The following XXYLT1 variants were observed in gnomAD, a reference collection of about 807,000 sequenced individuals.
XXYLT1 encodes UDP-xylose:alpha-xyloside alpha-1,3-xylosyltransferase.
XXYLT1 carries 20 observed loss-of-function variants against 28.9 expected under a neutral mutation model. The observed-to-expected ratio is 0.69, with a 90% CI of 0.49 to 1.00. The LOEUF (loss-of-function observed/expected upper bound fraction) is 1.00, where lower values mean the gene tolerates loss of function less well. Among genes scored for constraint, XXYLT1 ranks in the 50% least tolerant of loss-of-function variants. XXYLT1 has a pLI of 0.00. For synonymous variants in XXYLT1, 257 were observed against 253.8 expected, an observed-to-expected ratio of 1.01 and a Z score of -0.12; for missense variants, 542 against 560.1, an observed-to-expected ratio of 0.97 and a Z score of 0.33.
chr3:195,094,125 C>T (rs1716280776), intron 3 of XXYLT1: 1 of 152,626 alleles, frequency 6.6e-6, no homozygotes, highest in African/African-American at 2.4e-5. Context: ...ACTGGCCTCT[C>T]CTGTTCCTAG....
At chr3:195,239,822 T>C (rs1269893954) in intron 1 of XXYLT1, among the ~76,000 whole-genome samples, 1 of 152,186 alleles carries the variant, frequency 6.6e-6, no homozygotes, top group Non-Finnish European at 1.5e-5. Flanking sequence ...TTATGTAGAA[T>C]GTTGGCATCA....
intron 3 of XXYLT1, among the ~76,000 whole-genome samples, chr3:195,089,417 A>G (rs1368652031): frequency 6.6e-6 from 1 of 152,140 alleles, no homozygotes; most frequent in Non-Finnish European, 1.5e-5. Context: ...TTTCATATCC[A>G]GCCAAACTAA....
At position 195,256,390 on chromosome 3, in the gene XXYLT1, T is replaced by C; in HGVS notation, c.504+14165A>G. 1 of 700,284 alleles carries C rather than the reference T, an allele frequency of 1.4e-6. No individual in the cohort carries two copies. Among genetic ancestry groups the C allele is most frequent in the Non-Finnish European group, 1.8e-6 (1 of 569,898 alleles). The allele number at this position is 700,284 out of a possible 1,614,324, so 43.4% of individuals were successfully genotyped here. A position where few individuals can be genotyped will look rare whatever the true frequency, so the allele number is the denominator to read the frequency against. ...CTGAGACAGCTCTGGTCATTCCAAGTCCCTCGCCCTCATGCTCCGCGCAGG... is the reference window on the plus strand; with the variant it reads ...CTGAGACAGCTCTGGTCATTCCAAGCCCCTCGCCCTCATGCTCCGCGCAGG... On this transcript the variant is annotated intron_variant, in intron 1 of 3. Transcript: ENST00000310380. This position sits in a 1 kb window ranked among gnomAD's most constrained non-coding sequence, Gnocchi z 4.2.
intron 1 of XXYLT1, among the ~76,000 whole-genome samples, chr3:195,263,318 G>A (rs749592527): frequency 3.9e-5 from 6 of 152,200 alleles, no homozygotes; most frequent in Non-Finnish European, 5.9e-5. Flanking sequence ...AAGTGGATGC[G>A]AAGGTTTAAA....
intron 3 of XXYLT1, among the ~76,000 whole-genome samples, chr3:195,128,038 C>G (rs765752362): frequency 2.4e-4 from 37 of 152,116 alleles, no homozygotes; most frequent in Non-Finnish European, 4.4e-4. Flanking sequence ...AGTGAAAGAG[C>G]CTGGCATGCC....
At position 195,076,298 on chromosome 3, in the gene XXYLT1, C is replaced by G. The variant is rs562966489; in HGVS notation, c.786-6187G>C. On this transcript the variant is annotated intron_variant, in intron 3 of 3. Coordinates refer to ENST00000310380, the MANE Select transcript of XXYLT1 (RefSeq NM_152531.5). The surrounding 1 kb of genome is among the most constrained non-coding windows in gnomAD (Gnocchi z 5.3). The stretch of plus-strand genomic sequence containing the variant: ...AGTGTTACCACCCACCCCACACCCA[C>G]CCGTTCCAGAGAGGAAGAAGCCCGC... Among the ~76,000 whole-genome samples, 1 of 109,894 alleles carries G rather than the reference C, an allele frequency of 9.1e-6. No individual in the cohort carries two copies. The highest frequency in any genetic ancestry group is 1.6e-5 in the Non-Finnish European group (1 of 60,610). 72.1% of individuals were successfully genotyped at this position (109,894 alleles called of 152,430 possible).
chr3:195,128,000 G>A (rs1470861625), intron 3 of XXYLT1, among the ~76,000 whole-genome samples: 1 of 152,174 alleles, frequency 6.6e-6, no homozygotes, highest in Admixed American at 6.5e-5. Context: ...TCCTCATACA[G>A]ATAGTTGGGA....
intron 2 of XXYLT1, among the ~76,000 whole-genome samples, chr3:195,166,173 T>C (rs1383008028): frequency 1.3e-5 from 2 of 152,020 alleles, no homozygotes; most frequent in African/African-American, 4.8e-5. Context: ...CCTTAGTCAC[T>C]TCCCACAGCA....
intron 3 of XXYLT1, among the ~76,000 whole-genome samples, chr3:195,111,259 A>G (rs1421031601): frequency 6.6e-6 from 1 of 152,160 alleles, no homozygotes; most frequent in Non-Finnish European, 1.5e-5. Flanking sequence ...TTTTATAAGA[A>G]CACCAGTCAT....
At position 195,180,075 on chromosome 3, in the gene XXYLT1, T is replaced by C. The variant is rs1240946149; in HGVS notation, c.653-23494A>G. Reference sequence around the variant, plus strand: ...GCGCCTGGTGAGGGACAGAAGAATCTCTGAGCGGCCCCAAGCAGTGGGGTT... The same window carrying C: ...GCGCCTGGTGAGGGACAGAAGAATCCCTGAGCGGCCCCAAGCAGTGGGGTT... On this transcript the variant is annotated intron_variant, in intron 2 of 3. Coordinates refer to ENST00000310380, the MANE Select transcript of XXYLT1 (RefSeq NM_152531.5). This position sits in a 1 kb window ranked among gnomAD's most constrained non-coding sequence, Gnocchi z 5.8. Among the ~76,000 whole-genome samples the C allele has an allele frequency of 2.0e-5, 3 of 152,028 alleles. No homozygotes were observed. The highest frequency in any genetic ancestry group is 4.4e-5 in the Non-Finnish European group (3 of 68,008).
At chr3:195,269,878 G>T (rs557139206) in intron 1 of XXYLT1, among the ~76,000 whole-genome samples, 2 of 152,324 alleles carry the variant, frequency 1.3e-5, no homozygotes, top group South Asian at 4.1e-4. Context: ...GATGGAAGCT[G>T]TCATGGAGGC....
At chr3:195,136,320 C>A (rs1406706168) in intron 3 of XXYLT1, among the ~76,000 whole-genome samples, 3 of 152,118 alleles carry the variant, frequency 2.0e-5, no homozygotes, top group African/African-American at 7.2e-5. Context: ...ATACTGCAAC[C>A]CACCCCGGCC....
intron 1 of XXYLT1, among the ~76,000 whole-genome samples, chr3:195,254,322 G>A (rs1231349081): frequency 6.6e-6 from 1 of 152,210 alleles, no homozygotes; most frequent in African/African-American, 2.4e-5. Context: ...ACGCAGGCTC[G>A]AAGCCTGACG....
rs148057032 is a variant in XXYLT1, at chr3:195,168,849, G to A, written c.653-12268C>T. 0.017 allele frequency among the ~76,000 whole-genome samples: 2,558 copies of A among 152,334 alleles called. 34 individuals carry two copies. Among genetic ancestry groups the A allele is most frequent in the Non-Finnish European group, 0.026 (1,743 of 68,030 alleles). Reference sequence around the variant, plus strand: ...GGGTCACACGGCCAGTGAGTGACCAGCAGAAATGCAAGTTAGTCCCCATCC... The same window carrying A: ...GGGTCACACGGCCAGTGAGTGACCAACAGAAATGCAAGTTAGTCCCCATCC... On this transcript the variant is annotated intron_variant, in intron 2 of 3. Transcript: ENST00000310380. The surrounding 1 kb of genome is among the most constrained non-coding windows in gnomAD (Gnocchi z 4.3).
chr3:195,243,205 T>G (rs1334396613), intron 1 of XXYLT1, among the ~76,000 whole-genome samples: 2 of 151,368 alleles, frequency 1.3e-5, no homozygotes, highest in Non-Finnish European at 2.9e-5. Flanking sequence ...CACCAGGGCC[T>G]GTCGTGGGGT....
intron 3 of XXYLT1, among the ~76,000 whole-genome samples, chr3:195,093,469 G>A (rs1359566326): frequency 6.0e-5 from 8 of 133,732 alleles, no homozygotes; most frequent in Middle Eastern, 3.3e-3. Flanking sequence ...TCATAGGTGG[G>A]AATTGAACAG....
chr3:195,154,339 A>C (rs1302394201), intron 3 of XXYLT1, among the ~76,000 whole-genome samples: 1 of 152,072 alleles, frequency 6.6e-6, no homozygotes, highest in Non-Finnish European at 1.5e-5. Flanking sequence ...AAACGGTGGC[A>C]CTAGGAGGCA....
intron 3 of XXYLT1, among the ~76,000 whole-genome samples, chr3:195,121,867 C>G (rs1718378257): frequency 6.6e-6 from 1 of 152,156 alleles, no homozygotes; most frequent in South Asian, 2.1e-4. Context: ...GGGTGCTGAC[C>G]AAGTCATCTC....
At chr3:195,265,572 G>C (rs558362234) in intron 1 of XXYLT1, among the ~76,000 whole-genome samples, 3 of 152,330 alleles carry the variant, frequency 2.0e-5, no homozygotes, top group Admixed American at 2.0e-4. Flanking sequence ...CACCGCCTCT[G>C]CAGAGAGCTG....
Sources: allele counts gnomAD v4.1 joint callset (sites outside exome capture counted in the v4.1 genomes callset), GRCh38; gene constraint gnomAD v4.1.1; non-coding constraint Gnocchi (gnomAD v3.1); transcripts MANE v1.5; gene names NCBI Gene and HGNC (gene_info 2026-07-23, HGNC 2026-07-21).